Variants in TAF2 observed in about 807,000 individuals in gnomAD.
TAF2 encodes the protein transcription initiation factor TFIID subunit 2.
A neutral mutation model predicts 138.5 loss-of-function variants in TAF2; 61 were observed. The observed-to-expected ratio is 0.44, with a 90% confidence interval of 0.36 to 0.54. The LOEUF (loss-of-function observed/expected upper bound fraction) is 0.54, where lower values mean the gene tolerates loss of function less well. Ranked by LOEUF, TAF2 falls within the 20% of genes least tolerant of loss-of-function variation. The probability of loss-of-function intolerance (pLI) is 0.00; values close to 1 mark genes in which losing one functional copy is unlikely to be tolerated. For synonymous variants in TAF2, 475 were observed against 469.9 expected, an observed-to-expected ratio of 1.01 and a Z score of -0.14; for missense variants, 1,090 against 1,427.9, an observed-to-expected ratio of 0.76 and a Z score of 3.81.
At chr8:119,780,381 T>A (rs1275187644) in intron 17 of TAF2, among the ~76,000 whole-genome samples, 1 of 152,220 alleles carries the variant, frequency 6.6e-6, no homozygotes, top group Non-Finnish European at 1.5e-5. Context: ...AAGAAACTTA[T>A]GCATGTGCAA....
intron 2 of TAF2, among the ~76,000 whole-genome samples, chr8:119,826,151 ACC>A (rs1826084527): frequency 2.0e-5 from 3 of 151,878 alleles, no homozygotes; most frequent in Non-Finnish European, 2.9e-5. Flanking sequence ...TAGAAGAAAT[ACC>A]TAATGTAGGT....
intron 6 of TAF2, among the ~76,000 whole-genome samples, chr8:119,798,384 T>G (rs7839110): frequency 0.59 from 89,475 of 151,898 alleles, 26,523 homozygotes; most frequent in Middle Eastern, 0.75. Flanking sequence ...AGTAACTCTG[T>G]TTTTTTTCAT....
rs937496596 is a variant in TAF2, at chr8:119,760,510, T to C, written c.2698+89A>G. On this transcript the variant is annotated intron_variant, in intron 20 of 25. Coordinates refer to ENST00000378164, the MANE Select transcript of TAF2 (RefSeq NM_003184.4). ...ATTTAAAATTAAAATATCTGTGTTATACATATTACGAAAACCCCAACAACA... is the reference window on the plus strand; with the variant it reads ...ATTTAAAATTAAAATATCTGTGTTACACATATTACGAAAACCCCAACAACA... The C allele has an allele frequency of 7.6e-5, 107 of 1,408,688 alleles. No homozygotes were observed. In the African/African-American group the frequency reaches 1.4e-3, roughly 18 times the overall value. The allele number at this position is 1,408,688 out of a possible 1,614,324, so 87.3% of individuals were successfully genotyped here.
chr8:119,755,148 G>C (rs1227023043), intron 22 of TAF2, among the ~76,000 whole-genome samples: 1 of 152,180 alleles, frequency 6.6e-6, no homozygotes, highest in African/African-American at 2.4e-5. Flanking sequence ...TAGCAAAATG[G>C]TTCCAGAGCT....
intron 11 of TAF2, among the ~76,000 whole-genome samples, chr8:119,790,698 G>A (rs997009469): frequency 2.6e-5 from 4 of 152,038 alleles, no homozygotes; most frequent in Admixed American, 1.3e-4. Context: ...ATTGGTTTAC[G>A]TTTTTCTATT....
At position 119,797,066 on chromosome 8, in the gene TAF2, T is replaced by C; in HGVS notation, c.1015A>G (p.Thr339Ala). Residue 339 changes from threonine (T) to alanine (A), a missense_variant, in exon 8 of 26, where the codon ACA becomes GCA. Transcript: ENST00000378164. The part of the protein sequence containing the change: ...LLHSAMIIDE[T>A]PLTRRCLAQS... The stretch of plus-strand genomic sequence containing the variant: ...GCTAAACACCTTCTAGTCAAAGGTG[T>C]CTCATCTATAATCATGGCACTGTGT... 6.2e-7 allele frequency: 1 copy of C among 1,613,270 alleles called. No individual in the cohort carries two copies. Among genetic ancestry groups the C allele is most frequent in the Non-Finnish European group, 8.5e-7 (1 of 1,179,528 alleles).
chr8:119,821,168 C>T (rs1825783665), intron 2 of TAF2, among the ~76,000 whole-genome samples: 1 of 152,204 alleles, frequency 6.6e-6, no homozygotes, highest in South Asian at 2.1e-4. Flanking sequence ...CAGGCCTCTG[C>T]CACCACCTAG....
chr8:119,811,650 C>A (rs899112385), intron 3 of TAF2, among the ~76,000 whole-genome samples: 1 of 151,144 alleles, frequency 6.6e-6, no homozygotes, highest in South Asian at 2.1e-4. Flanking sequence ...ACTAAAAATA[C>A]AAAAAATTAG....
At chr8:119,819,979 A>G (rs1413609468) in intron 2 of TAF2, among the ~76,000 whole-genome samples, 1 of 152,198 alleles carries the variant, frequency 6.6e-6, no homozygotes, top group African/African-American at 2.4e-5. Context: ...TAAAACAGCA[A>G]GAGCTACAAA....
Position 119,804,567 on chromosome 8 carries a change from GCT to G in TAF2, c.419-550_419-549del, listed in dbSNP as rs926036470. The stretch of plus-strand genomic sequence containing the variant: ...TCAAAATGGGAGTTGCCCTGCACAA[GCT>G]CTCTCTCTCTCTTTTTGCTGGCAGC... On this transcript the variant is annotated intron_variant, in intron 4 of 25. Coordinates refer to ENST00000378164, the MANE Select transcript of TAF2 (RefSeq NM_003184.4). Among the ~76,000 whole-genome samples the G allele has an allele frequency of 3.6e-3, 547 of 151,738 alleles. 6 individuals are homozygous for G. The highest frequency in any genetic ancestry group is 0.013 in the African/African-American group (526 of 41,386).
Position 119,732,087 on chromosome 8 carries a change from T to G in TAF2, c.3437A>C (p.His1146Pro). ...KESTASKHSD[H>P]HHHHHHEHKK... ...GTGCTCATGGTGATGGTGGTGATGG[T>G]GGTCACTGTGTTTGGAGGCTGTAGA... The change falls in exon 26 of 26, where the codon CAC (histidine) becomes CCC (proline). Residue 1146 changes from histidine to proline, a missense_variant. His to Pro is a moderately conservative substitution (Grantham distance 77). Coordinates refer to ENST00000378164, the MANE Select transcript of TAF2 (RefSeq NM_003184.4). The G allele has an allele frequency of 6.2e-7, 1 of 1,614,198 alleles. No homozygotes were observed. Among genetic ancestry groups the G allele is most frequent in the Non-Finnish European group, 8.5e-7 (1 of 1,180,040 alleles).
At chr8:119,774,309 TAGAG>T (rs1296366889) in intron 18 of TAF2, among the ~76,000 whole-genome samples, 2 of 152,156 alleles carry the variant, frequency 1.3e-5, no homozygotes, top group East Asian at 3.8e-4. Context: ...GTGTCTGACT[TAGAG>T]AAAGATAACT....
At chr8:119,831,132 C>T (rs560825980) in intron 2 of TAF2, among the ~76,000 whole-genome samples, 2 of 152,188 alleles carry the variant, frequency 1.3e-5, no homozygotes, top group East Asian at 3.9e-4. Flanking sequence ...AAACAAAAAA[C>T]TTGAATGTTC....
At chr8:119,760,549 GTAAA>G in intron 20 of TAF2, 46 bp downstream of exon 20, 2 of 1,601,440 alleles carry the variant, frequency 1.2e-6, no homozygotes, top group Non-Finnish European at 1.7e-6. Flanking sequence ...GCTTTAAAAA[GTAAA>G]TAGTTCTTTC....
At chr8:119,750,520 T>C (rs1438248661) in intron 22 of TAF2, among the ~76,000 whole-genome samples, 3 of 152,218 alleles carry the variant, frequency 2.0e-5, no homozygotes, top group African/African-American at 2.4e-5. Flanking sequence ...CTGGGTATTA[T>C]TGTCCTGACT....
chr8:119,795,475 C>A, intron 9 of TAF2, 57 bp downstream of exon 9: 1 of 1,405,826 alleles, frequency 7.1e-7, no homozygotes, highest in South Asian at 1.2e-5. Context: ...ATTTTACAGT[C>A]ATTAAAAATG....
At chr8:119,757,818 C>A (rs529233804) in intron 21 of TAF2, among the ~76,000 whole-genome samples, 1 of 152,206 alleles carries the variant, frequency 6.6e-6, no homozygotes, top group South Asian at 2.1e-4. Flanking sequence ...ATCGCTTGAA[C>A]CCAGGAGGCG....
intron 18 of TAF2, among the ~76,000 whole-genome samples, chr8:119,775,468 C>T (rs1454384309): frequency 4.0e-5 from 6 of 151,634 alleles, no homozygotes; most frequent in African/African-American, 1.5e-4. Context: ...TTTGAGAGGC[C>T]GAGGCAGGCG....
In TAF2 at chr8:119,785,154, A is replaced by C. The variant is rs1322962788; in HGVS notation, c.1859+47T>G. On this transcript the variant is annotated intron_variant, in intron 15 of 25. Transcript: ENST00000378164. ...GTACGCATAACAAAGTAGACAGATG[A>C]GAATGCAGAAAGTATTATAACCTTA... is the stretch of plus-strand genomic sequence containing the variant. 4.1e-6 allele frequency: 6 copies of C among 1,470,348 alleles called. No homozygotes were observed. In the Admixed American group the frequency reaches 6.7e-5, roughly 16 times the overall value. 91.1% of individuals were successfully genotyped at this position (1,470,348 alleles called of 1,614,324 possible). A position where few individuals can be genotyped will look rare whatever the true frequency, so the allele number is the denominator to read the frequency against.
Sources: allele counts gnomAD v4.1 joint callset (sites outside exome capture counted in the v4.1 genomes callset), GRCh38; gene constraint gnomAD v4.1.1; transcripts MANE v1.5; gene names NCBI Gene and HGNC (gene_info 2026-07-23, HGNC 2026-07-21).